Variants in ALK observed in about 807,000 individuals in gnomAD.
ALK encodes the protein ALK tyrosine kinase receptor.
Under a neutral mutation model 163.1 loss-of-function variants are expected in ALK, and 74 were observed. The observed-to-expected ratio is 0.45, with a 90% CI of 0.38 to 0.55. The LOEUF is 0.55. Among genes scored for constraint, ALK ranks in the 20% least tolerant of loss-of-function variants. The pLI is 0.00. For synonymous variants in ALK, 960 were observed against 843.2 expected (o/e 1.14, Z -2.40); for missense variants, 2,063 against 2,105.3 (o/e 0.98, Z 0.39).
rs531490912 is a variant in ALK at position 29,193,894 on chromosome 2, G to A, written c.4193C>T (p.Pro1398Leu). The A allele has an allele frequency of 4.7e-5, 76 of 1,614,104 alleles. No individual in the cohort carries two copies. The highest frequency in any genetic ancestry group is 2.8e-4 in the African/African-American group (21 of 75,024). ...QDPDVINTAL[P>L]IEYGPLVEEE... Reference sequence around the variant, plus strand: ...TTCCACAAGTGGACCATATTCTATCGGCAAAGCGGTGTTGATTACATCCGG... The same window carrying A: ...TTCCACAAGTGGACCATATTCTATCAGCAAAGCGGTGTTGATTACATCCGG... Residue 1398 changes from proline (P) to leucine (L), a missense_variant, in exon 29 of 29, where the codon CCG (proline) becomes CTG (leucine). By Grantham distance (98) the Pro-to-Leu change is moderately conservative (BLOSUM62 -3). This residue lies in a region of ALK where 403 missense variants were observed against 366.2 expected (regional missense o/e 1.10). Coordinates refer to ENST00000389048, the MANE Select transcript of ALK (RefSeq NM_004304.5).
chr2:29,629,643 C>A (rs1270562821), intron 3 of ALK, among the ~76,000 whole-genome samples: 1 of 152,142 alleles, frequency 6.6e-6, no homozygotes, highest in Non-Finnish European at 1.5e-5. Flanking sequence ...TGTCTTTCAA[C>A]CACAACAATG....
At chr2:29,668,487 CCTT>C (rs1677585455) in intron 3 of ALK, among the ~76,000 whole-genome samples, 1 of 151,926 alleles carries the variant, frequency 6.6e-6, no homozygotes, top group Non-Finnish European at 1.5e-5. Context: ...TTTAAAATTT[CCTT>C]CTTATTTTCT....
chr2:29,258,514 A>G (rs1665006899), intron 11 of ALK, among the ~76,000 whole-genome samples: 1 of 152,288 alleles, frequency 6.6e-6, no homozygotes, highest in South Asian at 2.1e-4. Flanking sequence ...TAGAAAATGC[A>G]GAATAAATGC....
chr2:29,205,142 GT>G (rs1669279742), intron 26 of ALK, among the ~76,000 whole-genome samples: 1 of 152,090 alleles, frequency 6.6e-6, no homozygotes, highest in Non-Finnish European at 1.5e-5. Context: ...TCCATTTATG[GT>G]TGCAATAGTT....
At chr2:29,439,500 T>C (rs186615179) in intron 4 of ALK, among the ~76,000 whole-genome samples, 1 of 151,998 alleles carries the variant, frequency 6.6e-6, no homozygotes, top group Non-Finnish European at 1.5e-5. Flanking sequence ...GACAGACAGA[T>C]AGAGAATAGA....
Position 29,829,311 on chromosome 2 carries a change from A to T in ALK, c.667+90682T>A, listed in dbSNP as rs547508123. 2.9e-4 allele frequency among the ~76,000 whole-genome samples: 32 copies of T among 110,520 alleles called. 1 individual carries two copies. In the South Asian group the frequency reaches 4.8e-3, roughly 16 times the overall value. 72.5% of individuals were successfully genotyped at this position (110,520 alleles called of 152,430 possible). On this transcript the variant is annotated intron_variant, in intron 1 of 28. Transcript: ENST00000389048. Reference sequence around the variant, plus strand: ...CATGTACCCTAAAACTTAAAGTATAATAAAAAAAAAAAAGAAAGAAAGATG... The same window carrying T: ...CATGTACCCTAAAACTTAAAGTATATTAAAAAAAAAAAAGAAAGAAAGATG...
intron 4 of ALK, among the ~76,000 whole-genome samples, chr2:29,445,617 T>TCC (rs1349559709): frequency 0.021 from 3,118 of 151,968 alleles, 90 homozygotes; most frequent in African/African-American, 0.07. Context: ...GATCAGGAGT[T>TCC]TGAGACCAGC....
chr2:29,435,748 A>G (rs2148077130), intron 4 of ALK, among the ~76,000 whole-genome samples: 1 of 152,310 alleles, frequency 6.6e-6, no homozygotes, highest in East Asian at 1.9e-4. Flanking sequence ...AGCCAGCTAG[A>G]CAGACCTGGG....
intron 11 of ALK, among the ~76,000 whole-genome samples, chr2:29,273,339 CTG>C (rs1216155806): frequency 3.3e-5 from 5 of 152,178 alleles, no homozygotes; most frequent in Non-Finnish European, 7.4e-5. Flanking sequence ...TGCTCTGAGA[CTG>C]GGGTTGAGAA....
chr2:29,876,421 G>GTGGTGA (rs1666712748), intron 1 of ALK, among the ~76,000 whole-genome samples: 1 of 145,524 alleles, frequency 6.9e-6, no homozygotes, highest in Non-Finnish European at 1.5e-5. Flanking sequence ...GTGATGTGGT[G>GTGGTGA]TGGTGATGGT....
At chr2:29,718,712 G>A (rs1221958267) in intron 1 of ALK, among the ~76,000 whole-genome samples, 2 of 152,192 alleles carry the variant, frequency 1.3e-5, no homozygotes, top group Non-Finnish European at 2.9e-5. Flanking sequence ...CATCAACTGA[G>A]ACCTAGAGAG....
chr2:29,454,339 T>C (rs562408940), intron 4 of ALK, among the ~76,000 whole-genome samples: 1 of 152,328 alleles, frequency 6.6e-6, no homozygotes, highest in Admixed American at 6.5e-5. Context: ...CACATATCTT[T>C]CCATATACTT....
rs779318085 is a variant in ALK, at chr2:29,193,849, A to G, written c.4238T>C (p.Val1413Ala). The G allele has an allele frequency of 6.2e-7, 1 of 1,613,384 alleles. No homozygotes were observed. The highest frequency in any genetic ancestry group is 8.5e-7 in the Non-Finnish European group (1 of 1,179,682). Residue 1413 changes from valine to alanine, a missense_variant, in exon 29 of 29, where the codon GTG becomes GCG. Coordinates refer to ENST00000389048, the MANE Select transcript of ALK (RefSeq NM_004304.5). ...PLVEEEEKVPVRPKDPEGVPP... is the reference protein window; with the variant it reads ...PLVEEEEKVPARPKDPEGVPP... ...AACCCCCTCAGGGTCCTTGGGCCTC[A>G]CAGGCACTTTCTCTTCCTCTTCCAC...
intron 5 of ALK, among the ~76,000 whole-genome samples, chr2:29,375,969 A>G (rs1333730068): frequency 2.0e-5 from 3 of 152,186 alleles, no homozygotes; most frequent in Non-Finnish European, 4.4e-5. Context: ...GGTCAGCATG[A>G]CCATAAACCA....
intron 11 of ALK, among the ~76,000 whole-genome samples, chr2:29,267,235 C>T (rs1665245424): frequency 6.6e-6 from 1 of 152,132 alleles, no homozygotes; most frequent in Admixed American, 6.5e-5. Context: ...TGCCAACCAC[C>T]ATATGAGTTT....
intron 3 of ALK, among the ~76,000 whole-genome samples, chr2:29,641,087 G>A (rs1017355149): frequency 6.6e-6 from 1 of 152,102 alleles, no homozygotes; most frequent in Non-Finnish European, 1.5e-5. Flanking sequence ...CAGTGGGGCT[G>A]CTGAAGGAAG....
intron 1 of ALK, among the ~76,000 whole-genome samples, chr2:29,838,121 G>A (rs1665608864): frequency 1.3e-5 from 2 of 152,038 alleles, no homozygotes; most frequent in African/African-American, 2.4e-5. Context: ...CACTGCAGAA[G>A]AAAAGATTAG....
intron 5 of ALK, among the ~76,000 whole-genome samples, chr2:29,357,375 G>A (rs1255122012): frequency 6.6e-6 from 1 of 152,092 alleles, no homozygotes; most frequent in African/African-American, 2.4e-5. Flanking sequence ...CCGCTGGCAG[G>A]GCTCAGCTCA....
intron 1 of ALK, among the ~76,000 whole-genome samples, chr2:29,804,092 T>C (rs1315805306): frequency 1.3e-5 from 2 of 152,248 alleles, no homozygotes; most frequent in African/African-American, 4.8e-5. Context: ...AATCTCTTTT[T>C]CTTTTTGCTC....
Sources: gnomAD v4.1 joint callset for allele counts (sites outside exome capture counted in the v4.1 genomes callset) on GRCh38, gnomAD v4.1.1 for gene constraint, gnomAD v4.1.1 regional missense constraint, MANE v1.5 for transcripts, NCBI Gene and HGNC (gene_info 2026-07-23, HGNC 2026-07-21) for gene names.